The following AGMO variants were observed in gnomAD, a reference collection of about 807,000 sequenced individuals.
AGMO encodes glyceryl-ether monooxygenase.
In AGMO, 75 loss-of-function variants were observed where a neutral mutation model predicts 60.2. That is an observed-to-expected ratio of 1.25 (90% CI 1.03 to 1.51). The LOEUF (loss-of-function observed/expected upper bound fraction) is 1.51. AGMO is among the 40% of genes most tolerant of loss of function. The pLI is 0.00. For synonymous variants in AGMO, 261 were observed against 177.1 expected, an observed-to-expected ratio of 1.47 and a Z score of -3.76; for missense variants, 763 against 525.5, an observed-to-expected ratio of 1.45 and a Z score of -4.42.
intron 3 of AGMO, among the ~76,000 whole-genome samples, chr7:15,505,070 A>C (rs1170262874): frequency 6.6e-6 from 1 of 151,944 alleles, no homozygotes; most frequent in Admixed American, 6.6e-5. Context: ...GTACAGCATT[A>C]AACTTGCTTG....
chr7:15,164,716 A>G, the AGMO span, among the ~76,000 whole-genome samples: 21 of 152,254 alleles, frequency 1.4e-4, no homozygotes, highest in Admixed American at 5.9e-4. Flanking sequence ...ACCAGTCAGA[A>G]TGGTTATTAC....
At chr7:15,487,572 A>G (rs117038763) in intron 3 of AGMO, among the ~76,000 whole-genome samples, 4 of 152,284 alleles carry the variant, frequency 2.6e-5, no homozygotes, top group Non-Finnish European at 5.9e-5. Context: ...TAATTATTTT[A>G]AAATACGTAT....
intron 10 of AGMO, among the ~76,000 whole-genome samples, chr7:15,370,086 T>G (rs748451111): frequency 2.0e-5 from 3 of 152,162 alleles, no homozygotes; most frequent in Admixed American, 6.6e-5. Flanking sequence ...CCCCAGTGTC[T>G]ATTGTTGTCA....
At chr7:15,478,021 T>C (rs1412250216) in intron 3 of AGMO, among the ~76,000 whole-genome samples, 1 of 152,102 alleles carries the variant, frequency 6.6e-6, no homozygotes, top group South Asian at 2.1e-4. Context: ...CTCCTGTGTA[T>C]ATTGAAGGGA....
intron 3 of AGMO, among the ~76,000 whole-genome samples, chr7:15,543,181 A>G (rs941345883): frequency 7.2e-5 from 11 of 151,940 alleles, no homozygotes; most frequent in Non-Finnish European, 1.5e-4. Flanking sequence ...CCAACCACCC[A>G]CTGAAATCCT....
chr7:15,389,082 T>C (rs952867475), intron 8 of AGMO, among the ~76,000 whole-genome samples: 1 of 152,184 alleles, frequency 6.6e-6, no homozygotes, highest in South Asian at 2.1e-4. Flanking sequence ...CAATTATAAA[T>C]GCCGTTTTCC....
rs145633237 is a variant in AGMO, at chr7:15,515,100, T to C, written c.409+29672A>G. Among the ~76,000 whole-genome samples the C allele has an allele frequency of 2.4e-4, 36 of 152,312 alleles. No homozygotes were observed. In the East Asian group the frequency reaches 6.2e-3, roughly 26 times the overall value. On this transcript the variant is annotated intron_variant, in intron 3 of 12. Transcript: ENST00000342526. ...AAACCCTAGAGAAGTAGCTCATCCA[T>C]TGGGTGAATTTACAGAGGATGAAAA...
intron 12 of AGMO, among the ~76,000 whole-genome samples, chr7:15,329,246 A>T (rs1781431970): frequency 6.6e-6 from 1 of 152,210 alleles, no homozygotes; most frequent in South Asian, 2.1e-4. Context: ...GTTTCGGTAT[A>T]CTAAATACCC....
chr7:15,387,332 T>C (rs929786658), intron 9 of AGMO, 74 bp downstream of exon 9: 2 of 1,513,976 alleles, frequency 1.3e-6, no homozygotes, highest in Non-Finnish European at 1.8e-6. Flanking sequence ...GAAAACAGCG[T>C]ATGTACAGGC....
intron 12 of AGMO, among the ~76,000 whole-genome samples, chr7:15,286,668 T>C (rs1229962826): frequency 6.6e-6 from 1 of 152,008 alleles, no homozygotes; most frequent in Non-Finnish European, 1.5e-5. Context: ...AGTATGGAGA[T>C]TTCTCAAAAA....
intron 12 of AGMO, among the ~76,000 whole-genome samples, chr7:15,234,202 T>C (rs1294692439): frequency 6.6e-6 from 1 of 152,184 alleles, no homozygotes; most frequent in Non-Finnish European, 1.5e-5. Flanking sequence ...TTTATGTTTG[T>C]CAGATAAATA....
chr7:15,486,119 G>A (rs1267555453), intron 3 of AGMO, among the ~76,000 whole-genome samples: 1 of 152,148 alleles, frequency 6.6e-6, no homozygotes, highest in Non-Finnish European at 1.5e-5. Flanking sequence ...AACATTTGGA[G>A]ATAACGCAAA....
intron 3 of AGMO, among the ~76,000 whole-genome samples, chr7:15,432,109 C>T (rs949042655): frequency 1.3e-5 from 2 of 151,530 alleles, no homozygotes; most frequent in African/African-American, 4.8e-5. Context: ...ATGGAATTAG[C>T]TATGTGACAT....
chr7:15,462,250 G>C (rs1447197430), intron 3 of AGMO, among the ~76,000 whole-genome samples: 1 of 152,104 alleles, frequency 6.6e-6, no homozygotes, highest in Non-Finnish European at 1.5e-5. Flanking sequence ...CTCAAGAACT[G>C]TCAGTTGAGA....
chr7:15,197,504 A>T (rs960295764), downstream of AGMO, among the ~76,000 whole-genome samples: 1 of 152,242 alleles, frequency 6.6e-6, no homozygotes, highest in African/African-American at 2.4e-5. Context: ...AAATATCAGG[A>T]CTCTGAGACG....
the AGMO span, among the ~76,000 whole-genome samples, chr7:15,130,527 C>A: frequency 6.6e-6 from 1 of 151,948 alleles, no homozygotes; most frequent in Non-Finnish European, 1.5e-5. Context: ...CGATATTTCA[C>A]AAAAAGGTTC....
At chr7:15,354,512 A>G (rs1177975872) in intron 12 of AGMO, among the ~76,000 whole-genome samples, 1,008 of 84,976 alleles carry the variant, frequency 0.012, 91 homozygotes, top group East Asian at 0.037. Context: ...ATATATATAT[A>G]TATATATATA....
At chr7:15,342,360 A>G (rs1781883008) in intron 12 of AGMO, among the ~76,000 whole-genome samples, 2 of 151,886 alleles carry the variant, frequency 1.3e-5, no homozygotes, top group South Asian at 4.2e-4. Context: ...CTGCTCCAAA[A>G]TTAAATTGAA....
At chr7:15,509,093 G>C (rs1024180981) in intron 3 of AGMO, among the ~76,000 whole-genome samples, 1 of 152,144 alleles carries the variant, frequency 6.6e-6, no homozygotes. Flanking sequence ...AAAGGAACCA[G>C]TAGTGTTGTT....
Sources: gnomAD v4.1 joint callset for allele counts (sites outside exome capture counted in the v4.1 genomes callset) on GRCh38, gnomAD v4.1.1 for gene constraint, MANE v1.5 for transcripts, NCBI Gene and HGNC (gene_info 2026-07-23, HGNC 2026-07-21) for gene names.